The following FHIT variants were observed in gnomAD, a reference collection of about 807,000 sequenced individuals.
FHIT encodes the protein fragile histidine triad diadenosine triphosphatase, also known as bis(5'-adenosyl)-triphosphatase.
FHIT carries 19 observed loss-of-function variants against 17.9 expected under a neutral mutation model. The ratio of observed to expected loss-of-function variants is 1.06; its 90% CI spans 0.74 to 1.56. FHIT has a LOEUF of 1.56. FHIT is among the 40% of genes most tolerant of loss of function. FHIT has a pLI of 0.00. For synonymous variants in FHIT, 81 were observed against 69.7 expected (o/e 1.16, Z -0.81); for missense variants, 248 against 189.2 (o/e 1.31, Z -1.82).
chr3:60,465,846 C>T (rs2032759120), intron 5 of FHIT, among the ~76,000 whole-genome samples: 1 of 151,798 alleles, frequency 6.6e-6, no homozygotes, highest in Admixed American at 6.6e-5. Flanking sequence ...ACTTTTTGCT[C>T]AGGATAGCTT....
chr3:60,025,573 A>G (rs187186498), intron 5 of FHIT, among the ~76,000 whole-genome samples: 21 of 152,352 alleles, frequency 1.4e-4, no homozygotes, highest in Admixed American at 1.2e-3. Context: ...TTTTAATGCC[A>G]TAACACCGAA....
intron 4 of FHIT, among the ~76,000 whole-genome samples, chr3:60,714,188 G>A (rs1219875509): frequency 6.6e-6 from 1 of 152,080 alleles, no homozygotes; most frequent in Admixed American, 6.6e-5. Flanking sequence ...AAAACCATAC[G>A]ATTATCTCAA....
intron 8 of FHIT, among the ~76,000 whole-genome samples, chr3:59,905,983 G>T (rs557490684): frequency 9.1e-4 from 138 of 152,284 alleles, no homozygotes; most frequent in African/African-American, 3.2e-3. Context: ...GTGTGATTCT[G>T]GGACTGGACT....
intron 5 of FHIT, among the ~76,000 whole-genome samples, chr3:60,139,211 C>A (rs1158587329): frequency 3.3e-5 from 5 of 152,072 alleles, no homozygotes; most frequent in South Asian, 4.1e-4. Context: ...CAGGAAGGCA[C>A]GTGATGAGGA....
At chr3:61,209,430 T>A (rs1313256769) in intron 1 of FHIT, among the ~76,000 whole-genome samples, 1 of 152,206 alleles carries the variant, frequency 6.6e-6, no homozygotes, top group African/African-American at 2.4e-5. Context: ...TTGGTTCCAT[T>A]CTCCCCGTCA....
At chr3:59,981,551 T>C (rs11715564) in intron 7 of FHIT, among the ~76,000 whole-genome samples, 12,511 of 152,178 alleles carry the variant, frequency 0.082, 587 homozygotes, top group Middle Eastern at 0.15. Flanking sequence ...TGGCAGTGCC[T>C]GGCCACATTA....
chr3:60,994,974 A>T (rs1003387611), intron 3 of FHIT, among the ~76,000 whole-genome samples: 1 of 152,168 alleles, frequency 6.6e-6, no homozygotes, highest in African/African-American at 2.4e-5. Flanking sequence ...ATTTTAAAAA[A>T]TTTAGTTTAA....
At chr3:60,417,576 A>AC (rs1418032521) in intron 5 of FHIT, among the ~76,000 whole-genome samples, 1 of 152,110 alleles carries the variant, frequency 6.6e-6, no homozygotes, top group Non-Finnish European at 1.5e-5. Context: ...CACTTGGGGG[A>AC]CTCCTGAACA....
chr3:60,711,792 C>A (rs1349290798), intron 4 of FHIT, among the ~76,000 whole-genome samples: 2 of 151,778 alleles, frequency 1.3e-5, no homozygotes, highest in Non-Finnish European at 2.9e-5. Flanking sequence ...ACCAAATCTG[C>A]ATGTTTGGTG....
chr3:60,219,108 T>C (rs1446934993), intron 5 of FHIT, among the ~76,000 whole-genome samples: 1 of 152,106 alleles, frequency 6.6e-6, no homozygotes, highest in Non-Finnish European at 1.5e-5. Context: ...AGGGTCTATC[T>C]ACCCACATTA....
At chr3:59,978,137 TAATAC>T (rs1309650469) in intron 7 of FHIT, among the ~76,000 whole-genome samples, 1 of 152,108 alleles carries the variant, frequency 6.6e-6, no homozygotes, top group East Asian at 1.9e-4. Flanking sequence ...AAATTAGCAA[TAATAC>T]TTGAGGAAAC....
chr3:60,179,577 G>A (rs1446737856), intron 5 of FHIT, among the ~76,000 whole-genome samples: 2 of 151,688 alleles, frequency 1.3e-5, no homozygotes, highest in South Asian at 2.1e-4. Context: ...TTTTTTTTAA[G>A]AACAGGGTCT....
chr3:61,221,567 T>C lies in FHIT; in HGVS notation c.-212-20902A>G, dbSNP rs966198597. Among the ~76,000 whole-genome samples the C allele has an allele frequency of 2.0e-5, 3 of 152,184 alleles. No individual in the cohort carries two copies. The East Asian group carries it at 5.8e-4, about 29-fold the overall frequency. ...CTGGAGCATCTACACTGGATACTTTTCAATGAATGCTGAAACTGGTTATAA... is the reference window on the plus strand; with the variant it reads ...CTGGAGCATCTACACTGGATACTTTCCAATGAATGCTGAAACTGGTTATAA... On this transcript the variant is annotated intron_variant, in intron 1 of 9. Transcript: ENST00000492590.
intron 4 of FHIT, among the ~76,000 whole-genome samples, chr3:60,719,863 A>T (rs1365215798): frequency 6.6e-6 from 1 of 152,088 alleles, no homozygotes; most frequent in African/African-American, 2.4e-5. Flanking sequence ...TCCCTTCATT[A>T]CCTTAGTCCA....
At chr3:59,953,679 A>T (rs968529073) in intron 7 of FHIT, among the ~76,000 whole-genome samples, 7 of 152,188 alleles carry the variant, frequency 4.6e-5, no homozygotes, top group African/African-American at 1.7e-4. Flanking sequence ...AAGAGGCCAA[A>T]CAGAATCTAA....
At chr3:60,424,531 C>G (rs1431617874) in intron 5 of FHIT, among the ~76,000 whole-genome samples, 2 of 152,146 alleles carry the variant, frequency 1.3e-5, no homozygotes, top group South Asian at 2.1e-4. Flanking sequence ...GGTTTCCAAT[C>G]AGTCACAATC....
chr3:60,060,999 A>G (rs559055786), intron 5 of FHIT, among the ~76,000 whole-genome samples: 2 of 152,322 alleles, frequency 1.3e-5, no homozygotes, highest in South Asian at 4.1e-4. Context: ...GACTTTGTTT[A>G]TAGTGGTGGA....
At chr3:61,160,270 T>C (rs1419466929) in intron 2 of FHIT, among the ~76,000 whole-genome samples, 1 of 151,836 alleles carries the variant, frequency 6.6e-6, no homozygotes, top group Non-Finnish European at 1.5e-5. Flanking sequence ...CATGTGATTC[T>C]GAGGCAATGG....
At chr3:60,125,696 A>G (rs1430668845) in intron 5 of FHIT, among the ~76,000 whole-genome samples, 1 of 151,832 alleles carries the variant, frequency 6.6e-6, no homozygotes, top group South Asian at 2.1e-4. Flanking sequence ...GTACATATAT[A>G]TATGTACACA....
Sources: gnomAD v4.1 joint callset for allele counts (sites outside exome capture counted in the v4.1 genomes callset) on GRCh38, gnomAD v4.1.1 for gene constraint, MANE v1.5 for transcripts, NCBI Gene and HGNC (gene_info 2026-07-23, HGNC 2026-07-21) for gene names.